The following SERINC1 variants were observed in gnomAD, a reference collection of about 807,000 sequenced individuals.
The protein encoded by SERINC1 is tumor differentially expressed protein 2.
In SERINC1, 38 loss-of-function variants were observed where a neutral mutation model predicts 52.9. The observed-to-expected ratio is 0.72, with a 90% confidence interval of 0.55 to 0.94. SERINC1 has a LOEUF of 0.94. Among genes scored for constraint, SERINC1 ranks in the 40% least tolerant of loss-of-function variants. The pLI, the probability that SERINC1 is intolerant of heterozygous loss-of-function variation, is 0.00. For missense variants in SERINC1, 471 were observed against 533.9 expected (o/e 0.88, Z 1.16); for synonymous variants, 198 against 183.1 (o/e 1.08, Z -0.66).
At chr6:122,460,746 A>G (rs945435599) in intron 1 of SERINC1, among the ~76,000 whole-genome samples, 2 of 152,236 alleles carry the variant, frequency 1.3e-5, no homozygotes, top group African/African-American at 4.8e-5. Flanking sequence ...ATGAGGATCA[A>G]TCAGTCAATA....
chr6:122,458,248 A>G (rs1775035914), intron 2 of SERINC1, among the ~76,000 whole-genome samples: 1 of 152,152 alleles, frequency 6.6e-6, no homozygotes, highest in African/African-American at 2.4e-5. Context: ...TTCTTAGAAC[A>G]TCCTTTTTTC....
At chr6:122,457,472 G>T (rs73541144) in intron 2 of SERINC1, among the ~76,000 whole-genome samples, 212 of 152,246 alleles carry the variant, frequency 1.4e-3, no homozygotes, top group African/African-American at 4.9e-3. Flanking sequence ...CTTCGTGTTT[G>T]TGTCTACCCA....
intron 2 of SERINC1, among the ~76,000 whole-genome samples, chr6:122,457,329 T>C (rs550660663): frequency 2.0e-5 from 3 of 152,334 alleles, no homozygotes; most frequent in African/African-American, 7.2e-5. Context: ...CTAGCTCTGC[T>C]CACTCTGAAT....
intron 4 of SERINC1, 101 bp downstream of exon 4, chr6:122,454,047 CACA>C: frequency 3.8e-5 from 42 of 1,092,336 alleles, no homozygotes; most frequent in South Asian, 4.6e-5. Flanking sequence ...CACACACACA[CACA>C]CCCCCAAACA....
Position 122,451,690 on chromosome 6 carries a change from G to T in SERINC1, c.824C>A (p.Thr275Lys). The T allele has an allele frequency of 8.1e-7, 1 of 1,234,150 alleles. No individual in the cohort carries two copies. The highest frequency in any genetic ancestry group is 1.1e-6 in the Non-Finnish European group (1 of 925,080). 76.4% of individuals were successfully genotyped at this position (1,234,150 alleles called of 1,614,324 possible). ...TGGTTCATTGGTCATAGCTGACCAT[G>T]TCAAATACATTGTGTAGACTGTAAT... is the stretch of plus-strand genomic sequence containing the variant. ...SVITVYTMYL[T>K]WSAMTNEPET... Residue 275 changes from threonine to lysine, a missense_variant, in exon 7 of 10, where the codon ACA (threonine) becomes AAA (lysine). Thr to Lys is a moderately conservative substitution (Grantham distance 78). Coordinates refer to ENST00000339697, the MANE Select transcript of SERINC1 (RefSeq NM_020755.4).
chr6:122,446,651 AG>A (rs1774808883), intron 9 of SERINC1, 122 bp downstream of exon 9: 1 of 646,384 alleles, frequency 1.5e-6, no homozygotes, highest in African/African-American at 1.8e-5. Flanking sequence ...CTATTCATTT[AG>A]CTGTACATTT....
Position 122,446,884 on chromosome 6 carries a change from G to C in SERINC1, c.1116C>G (p.His372Gln). Residue 372 changes from histidine (H) to glutamine (Q), a missense_variant, in exon 9 of 10, where the codon CAC becomes CAG. Coordinates refer to ENST00000339697, the MANE Select transcript of SERINC1 (RefSeq NM_020755.4). ...CATCCCTTTCATTATCTACAGCTCG[G>C]TGAACATCGTCCCCATCCTCCAGTG... ...DGSLEDGDDV[H>Q]RAVDNERDGV... 1.2e-6 allele frequency: 2 copies of C among 1,613,438 alleles called. No individual in the cohort carries two copies. The highest frequency in any genetic ancestry group is 1.7e-6 in the Non-Finnish European group (2 of 1,179,384).
intron 5 of SERINC1, among the ~76,000 whole-genome samples, chr6:122,452,738 AACAAAAGAC>A (rs966134697): frequency 6.6e-6 from 1 of 152,118 alleles, no homozygotes; most frequent in African/African-American, 2.4e-5. Flanking sequence ...TACAGCAGGG[AACAAAAGAC>A]ACAGAAACCC....
chr6:122,470,533 T>C (rs1471934080), intron 1 of SERINC1, among the ~76,000 whole-genome samples: 2 of 152,224 alleles, frequency 1.3e-5, no homozygotes, highest in Non-Finnish European at 2.9e-5. Flanking sequence ...TATGCCTCTT[T>C]TGTATAAAAG....
chr6:122,471,789 T>G lies in SERINC1; in HGVS notation c.-52A>C. 5 of 1,612,532 alleles carry G rather than the reference T, an allele frequency of 3.1e-6. No individual in the cohort carries two copies. Among genetic ancestry groups the G allele is most frequent in the Non-Finnish European group, 4.2e-6 (5 of 1,179,560 alleles). On this transcript the variant is annotated 5_prime_UTR_variant, in exon 1 of 10. Transcript: ENST00000339697. ...TACAGACAAGATGGAGACAGCTTCT[T>G]TCTCGCCTTTCCGAGATTATTTACT...
In SERINC1 at chr6:122,443,878, G is replaced by A. The variant is rs1173597678; in HGVS notation, c.*1166C>T. On this transcript the variant is annotated 3_prime_UTR_variant, in exon 10 of 10. Coordinates refer to ENST00000339697, the MANE Select transcript of SERINC1 (RefSeq NM_020755.4). The stretch of plus-strand genomic sequence containing the variant: ...TTAGCTATCTGAGCTATTTAAGTCT[G>A]TATTTCAGTGTCTTCATTTTTTTAA... 3 of 152,120 alleles carry A rather than the reference G, an allele frequency of 2.0e-5. No homozygotes were observed. Among genetic ancestry groups the A allele is most frequent in the East Asian group, 1.9e-4 (1 of 5,184 alleles). 9.4% of individuals were successfully genotyped at this position (152,120 alleles called of 1,614,324 possible). A position where few individuals can be genotyped will look rare whatever the true frequency, so the allele number is the denominator to read the frequency against.
Position 122,447,022 on chromosome 6 carries a change from T to G in SERINC1, c.996-18A>C. On this transcript the variant is annotated intron_variant, in intron 8 of 9. Coordinates refer to ENST00000339697, the MANE Select transcript of SERINC1 (RefSeq NM_020755.4). Reference sequence around the variant, plus strand: ...TACGGATGCTGTATGAAAGAGAGTTTAGGAGGAGAGAAAAAAAAGAACATT... The same window carrying G: ...TACGGATGCTGTATGAAAGAGAGTTGAGGAGGAGAGAAAAAAAAGAACATT... The G allele has an allele frequency of 1.9e-6, 3 of 1,585,200 alleles. No homozygotes were observed. In the South Asian group the frequency reaches 3.4e-5, roughly 18 times the overall value.
chr6:122,458,123 T>C (rs1775033823), intron 2 of SERINC1, among the ~76,000 whole-genome samples: 1 of 152,224 alleles, frequency 6.6e-6, no homozygotes, highest in South Asian at 2.1e-4. Context: ...TTGACTTTTA[T>C]ACTTTATTAA....
chr6:122,447,045 AT>A (rs775741381), intron 8 of SERINC1, 41 bp from the exon 9 acceptor site: 1 of 1,580,814 alleles, frequency 6.3e-7, no homozygotes, highest in South Asian at 1.1e-5. Flanking sequence ...AAAAAAGAAC[AT>A]TTTTAAAAGA....
At chr6:122,469,362 G>A (rs1205290319) in intron 1 of SERINC1, among the ~76,000 whole-genome samples, 5 of 148,356 alleles carry the variant, frequency 3.4e-5, no homozygotes, top group Non-Finnish European at 7.5e-5. Flanking sequence ...CTTTTTTTTT[G>A]TTCTGTTTTT....
At chr6:122,465,142 C>T (rs1451886708) in intron 1 of SERINC1, among the ~76,000 whole-genome samples, 1 of 151,810 alleles carries the variant, frequency 6.6e-6, no homozygotes, top group Non-Finnish European at 1.5e-5. Flanking sequence ...GTAGAAACTA[C>T]GAAGTAGTAA....
intron 7 of SERINC1, among the ~76,000 whole-genome samples, chr6:122,448,923 T>G (rs935639344): frequency 1.1e-4 from 16 of 152,250 alleles, no homozygotes; most frequent in African/African-American, 3.4e-4. Flanking sequence ...TGTTTCACAT[T>G]TTGGTAATTC....
chr6:122,444,413 C>A lies in SERINC1; in HGVS notation c.*631G>T, dbSNP rs1377909479. On this transcript the variant is annotated 3_prime_UTR_variant, in exon 10 of 10. Transcript: ENST00000339697. ...GAACCCATACTTCATGAGTTTAAAA[C>A]AACCAAAACAGTTCACTTTGTTGGC... 6.6e-6 allele frequency: 1 copy of A among 152,262 alleles called. No individual in the cohort carries two copies. The highest frequency in any genetic ancestry group is 6.5e-5 in the Admixed American group (1 of 15,284). 9.4% of individuals were successfully genotyped at this position (152,262 alleles called of 1,614,324 possible). A position where few individuals can be genotyped will look rare whatever the true frequency, so the allele number is the denominator to read the frequency against.
rs533271125 is a variant in SERINC1, at chr6:122,464,083, T to C, written c.40-5402A>G. Among the ~76,000 whole-genome samples the C allele has an allele frequency of 2.6e-5, 4 of 152,270 alleles. No individual in the cohort carries two copies. In the South Asian group the frequency reaches 6.2e-4, roughly 24 times the overall value. On this transcript the variant is annotated intron_variant, in intron 1 of 9. Transcript: ENST00000339697. ...AAAGACTATATATTGTAGGATTCCATTAATATGACACTCTAGAAAGGCAAA... is the reference window on the plus strand; with the variant it reads ...AAAGACTATATATTGTAGGATTCCACTAATATGACACTCTAGAAAGGCAAA...
Sources: gnomAD v4.1 joint callset for allele counts (sites outside exome capture counted in the v4.1 genomes callset) on GRCh38, gnomAD v4.1.1 for gene constraint, MANE v1.5 for transcripts, NCBI Gene and HGNC (gene_info 2026-07-23, HGNC 2026-07-21) for gene names.